Variants in HCN1 observed in about 807,000 individuals in gnomAD.
HCN1 encodes hyperpolarization activated cyclic nucleotide gated potassium channel 1, also known as potassium/sodium hyperpolarization-activated cyclic nucleotide-gated channel 1.
Under a neutral mutation model 78.9 loss-of-function variants are expected in HCN1, and 13 were observed. The observed-to-expected ratio is 0.16, with a 90% confidence interval of 0.11 to 0.26. The LOEUF (loss-of-function observed/expected upper bound fraction) is 0.26. HCN1 is among the 10% of genes least tolerant of loss of function. The pLI is 1.00. For missense variants in HCN1, 810 were observed against 1,154.3 expected (o/e 0.70, Z 4.32); for synonymous variants, 552 against 455.5 (o/e 1.21, Z -2.70).
chr5:45,578,886 A>C lies in HCN1; in HGVS notation c.849+66299T>G, dbSNP rs564720772. On this transcript the variant is annotated intron_variant, in intron 2 of 7. Transcript: ENST00000303230. ...GAGGAAATATATGCAAAAATAATAT[A>C]ATAAATTAAAAGCAATACCTGTTAT... Among the ~76,000 whole-genome samples the C allele has an allele frequency of 2.0e-5, 3 of 152,124 alleles. No homozygotes were observed. In the East Asian group the frequency reaches 5.8e-4, roughly 29 times the overall value.
chr5:45,264,930 C>T (rs539030850), intron 7 of HCN1, among the ~76,000 whole-genome samples: 2 of 152,222 alleles, frequency 1.3e-5, no homozygotes, highest in East Asian at 1.9e-4. Context: ...GTGGCTCATG[C>T]CTGTAATTCC....
intron 2 of HCN1, among the ~76,000 whole-genome samples, chr5:45,595,665 C>G (rs766496840): frequency 1.3e-5 from 2 of 151,870 alleles, no homozygotes; most frequent in Non-Finnish European, 2.9e-5. Flanking sequence ...ATCCTGTGGT[C>G]CAGCATACTA....
chr5:45,610,995 A>G (rs761478536), intron 2 of HCN1, among the ~76,000 whole-genome samples: 1 of 151,794 alleles, frequency 6.6e-6, no homozygotes, highest in Non-Finnish European at 1.5e-5. Flanking sequence ...AATTCAATGA[A>G]TATTTTGAAT....
intron 2 of HCN1, among the ~76,000 whole-genome samples, chr5:45,586,206 A>G (rs890038030): frequency 6.6e-6 from 1 of 151,892 alleles, no homozygotes; most frequent in Non-Finnish European, 1.5e-5. Context: ...TTGTTTACCT[A>G]CTCAAGCCTC....
intron 4 of HCN1, among the ~76,000 whole-genome samples, chr5:45,353,870 T>C (rs1746960931): frequency 6.6e-6 from 1 of 151,952 alleles, no homozygotes; most frequent in South Asian, 2.1e-4. Flanking sequence ...TAGCTGAAAG[T>C]TAACTTAGAC....
At chr5:45,695,342 TAA>T (rs1703923213) in intron 1 of HCN1, among the ~76,000 whole-genome samples, 2 of 152,022 alleles carry the variant, frequency 1.3e-5, no homozygotes, top group Non-Finnish European at 2.9e-5. Flanking sequence ...GTCTCTGAAG[TAA>T]AAGTTTCCCT....
intron 4 of HCN1, among the ~76,000 whole-genome samples, chr5:45,371,123 A>C (rs1290573015): frequency 6.6e-6 from 1 of 152,058 alleles, no homozygotes; most frequent in Non-Finnish European, 1.5e-5. Context: ...GGACTCAGCT[A>C]AGGCAGCGAT....
At chr5:45,694,797 G>A (rs1181775740) in intron 1 of HCN1, among the ~76,000 whole-genome samples, 7 of 152,194 alleles carry the variant, frequency 4.6e-5, no homozygotes, top group African/African-American at 7.2e-5. Context: ...GAATACTTGA[G>A]CGACAAGTAA....
intron 2 of HCN1, among the ~76,000 whole-genome samples, chr5:45,567,237 T>A (rs934101378): frequency 5.9e-5 from 9 of 152,016 alleles, no homozygotes; most frequent in African/African-American, 2.2e-4. Flanking sequence ...TCTTTCTACC[T>A]CCTTTTCTTC....
chr5:45,652,452 C>T (rs1287637415), intron 1 of HCN1, among the ~76,000 whole-genome samples: 2 of 151,954 alleles, frequency 1.3e-5, no homozygotes, highest in African/African-American at 4.8e-5. Flanking sequence ...TTACACATGA[C>T]TCAATTCTAC....
At chr5:45,675,161 C>A (rs1328091455) in intron 1 of HCN1, among the ~76,000 whole-genome samples, 1 of 151,644 alleles carries the variant, frequency 6.6e-6, no homozygotes, top group African/African-American at 2.4e-5. Flanking sequence ...TGTCACATAC[C>A]TACAGATAAT....
At chr5:45,658,692 G>A (rs4502839) in intron 1 of HCN1, among the ~76,000 whole-genome samples, 10 of 150,326 alleles carry the variant, frequency 6.7e-5, no homozygotes, top group Non-Finnish European at 3.0e-5. Flanking sequence ...AAAGGGGTGA[G>A]GGACGCACCT....
At chr5:45,501,259 C>T (rs1328151016) in intron 2 of HCN1, among the ~76,000 whole-genome samples, 1 of 152,032 alleles carries the variant, frequency 6.6e-6, no homozygotes, top group Non-Finnish European at 1.5e-5. Context: ...CATTATATCT[C>T]CAGGGCTTAG....
chr5:45,639,363 T>C (rs1745412537), intron 2 of HCN1, among the ~76,000 whole-genome samples: 1 of 152,226 alleles, frequency 6.6e-6, no homozygotes, highest in South Asian at 2.1e-4. Flanking sequence ...GATGTCATCA[T>C]ATATTTATAA....
rs570687793 is a variant in HCN1, at chr5:45,527,243, T to G, written c.850-65236A>C. 2.8e-4 allele frequency among the ~76,000 whole-genome samples: 39 copies of G among 137,866 alleles called. 6 individuals are homozygous for G. Among genetic ancestry groups the G allele is most frequent in the African/African-American group, 1.0e-3 (38 of 36,920 alleles). 90.4% of individuals were successfully genotyped at this position (137,866 alleles called of 152,430 possible). A position where few individuals can be genotyped will look rare whatever the true frequency, so the allele number is the denominator to read the frequency against. On this transcript the variant is annotated intron_variant, in intron 2 of 7. Transcript: ENST00000303230. ...CAGAAAGAACATGTTATATTAATTT[T>G]TTTATATCTTCATTTGCATGGCGTA...
chr5:45,384,728 G>A (rs771333129), intron 4 of HCN1, among the ~76,000 whole-genome samples: 2 of 152,144 alleles, frequency 1.3e-5, no homozygotes, highest in African/African-American at 4.8e-5. Flanking sequence ...AAATGCAAAG[G>A]CTGATCTGCA....
intron 5 of HCN1, among the ~76,000 whole-genome samples, chr5:45,341,968 T>A (rs1046112331): frequency 1.3e-5 from 2 of 152,104 alleles, no homozygotes; most frequent in Admixed American, 1.3e-4. Flanking sequence ...GTTTGACTTA[T>A]TTTTGTTTCC....
At chr5:45,513,783 T>C (rs1742465640) in intron 2 of HCN1, among the ~76,000 whole-genome samples, 1 of 152,126 alleles carries the variant, frequency 6.6e-6, no homozygotes, top group Non-Finnish European at 1.5e-5. Context: ...ATGAGACCAG[T>C]CCCTGGTGAC....
chr5:45,496,743 C>A (rs1178804840), intron 2 of HCN1, among the ~76,000 whole-genome samples: 1 of 152,118 alleles, frequency 6.6e-6, no homozygotes, highest in Non-Finnish European at 1.5e-5. Flanking sequence ...TTGCCTTCTG[C>A]TAGCTTTTGA....
Sources: allele counts gnomAD v4.1 joint callset (sites outside exome capture counted in the v4.1 genomes callset), GRCh38; gene constraint gnomAD v4.1.1; transcripts MANE v1.5; gene names NCBI Gene and HGNC (gene_info 2026-07-23, HGNC 2026-07-21).